Variants in PDGFC observed in about 807,000 individuals in gnomAD.
The protein encoded by PDGFC is platelet-derived growth factor C.
A neutral mutation model predicts 35.5 loss-of-function variants in PDGFC; 12 were observed. The observed-to-expected ratio is 0.34, with a 90% CI of 0.22 to 0.55. The LOEUF (loss-of-function observed/expected upper bound fraction) is 0.55, where lower values mean the gene tolerates loss of function less well. PDGFC is among the 20% of genes least tolerant of loss of function. The pLI, the probability that PDGFC is intolerant of heterozygous loss-of-function variation, is 0.91. For synonymous variants in PDGFC, 159 were observed against 148.8 expected (o/e 1.07, Z -0.50); for missense variants, 322 against 412.4 (o/e 0.78, Z 1.90).
chr4:156,940,696 A>T (rs909232620), intron 1 of PDGFC, among the ~76,000 whole-genome samples: 1 of 152,032 alleles, frequency 6.6e-6, no homozygotes, highest in Admixed American at 6.6e-5. Flanking sequence ...GTATTTTCAG[A>T]ATAATAATAA....
chr4:156,806,361 A>G (rs189469324), intron 3 of PDGFC, among the ~76,000 whole-genome samples: 2 of 152,210 alleles, frequency 1.3e-5, no homozygotes, highest in Admixed American at 6.5e-5. Flanking sequence ...TACTCATTAA[A>G]TGGAAAAAAG....
At chr4:156,766,770 C>T (rs989782004) in intron 5 of PDGFC, among the ~76,000 whole-genome samples, 1 of 152,044 alleles carries the variant, frequency 6.6e-6, no homozygotes, top group African/African-American at 2.4e-5. Context: ...ACATGATTTT[C>T]CTGCCCTTCA....
intron 2 of PDGFC, among the ~76,000 whole-genome samples, chr4:156,832,253 CTTTTTTT>C (rs542396769): frequency 3.3e-4 from 40 of 121,134 alleles, no homozygotes; most frequent in African/African-American, 9.6e-4. Context: ...TTCTTTCTTT[CTTTTTTT>C]TTTTTTTTTT....
intron 1 of PDGFC, among the ~76,000 whole-genome samples, chr4:156,892,989 AC>A (rs921300118): frequency 1.3e-5 from 2 of 152,086 alleles, no homozygotes; most frequent in Admixed American, 1.3e-4. Context: ...CTCACTATCC[AC>A]CCCTACCACA....
At chr4:156,965,974 G>C (rs1364576720) in intron 1 of PDGFC, among the ~76,000 whole-genome samples, 1 of 152,102 alleles carries the variant, frequency 6.6e-6, no homozygotes, top group Non-Finnish European at 1.5e-5. Flanking sequence ...CCAGGCATTG[G>C]AATTTCTGCT....
At chr4:156,843,837 C>T (rs1231152506) in intron 2 of PDGFC, among the ~76,000 whole-genome samples, 2 of 152,110 alleles carry the variant, frequency 1.3e-5, no homozygotes, top group Admixed American at 6.6e-5. Context: ...TCAGTAGACT[C>T]CAGGAGATTC....
chr4:156,961,711 G>A (rs1732347686), intron 1 of PDGFC, among the ~76,000 whole-genome samples: 1 of 152,116 alleles, frequency 6.6e-6, no homozygotes, highest in Non-Finnish European at 1.5e-5. Flanking sequence ...TGTTATAACT[G>A]TTTTCTTTGC....
At chr4:156,886,849 T>C (rs1730388446) in intron 1 of PDGFC, 1 of 152,228 alleles carries the variant, frequency 6.6e-6, no homozygotes. Flanking sequence ...AAATAAAAGA[T>C]TTAACTAACC....
At chr4:156,890,602 G>T (rs529473027) in intron 1 of PDGFC, among the ~76,000 whole-genome samples, 1 of 152,206 alleles carries the variant, frequency 6.6e-6, no homozygotes, top group South Asian at 2.1e-4. Flanking sequence ...GGCTACCGGG[G>T]TTCATGCACC....
At chr4:156,962,225 G>A (rs779830173) in intron 1 of PDGFC, among the ~76,000 whole-genome samples, 4 of 151,978 alleles carry the variant, frequency 2.6e-5, no homozygotes, top group African/African-American at 9.7e-5. Flanking sequence ...CAACATTCTC[G>A]ATGCTTCTTG....
At chr4:156,918,182 TTA>T (rs1386317885) in intron 1 of PDGFC, among the ~76,000 whole-genome samples, 1 of 152,238 alleles carries the variant, frequency 6.6e-6, no homozygotes, top group South Asian at 2.1e-4. Context: ...TTGGTTGTTC[TTA>T]TATATCTCTT....
intron 1 of PDGFC, among the ~76,000 whole-genome samples, chr4:156,947,510 G>A (rs917243901): frequency 6.6e-5 from 10 of 152,112 alleles, no homozygotes; most frequent in African/African-American, 2.2e-4. Context: ...AAGAAAAACT[G>A]AAATTCAGGA....
chr4:156,820,339 T>A (rs1732214924), intron 2 of PDGFC, among the ~76,000 whole-genome samples: 1 of 152,188 alleles, frequency 6.6e-6, no homozygotes. Flanking sequence ...GAAGTAAGAA[T>A]CAATCAACAT....
chr4:156,881,467 C>T (rs533786892), intron 1 of PDGFC, among the ~76,000 whole-genome samples: 28 of 152,200 alleles, frequency 1.8e-4, no homozygotes, highest in Middle Eastern at 3.4e-3. Context: ...ATAATTCCCA[C>T]GTGTTGTGGG....
At chr4:156,788,372 G>T (rs1731187642) in intron 3 of PDGFC, among the ~76,000 whole-genome samples, 1 of 152,158 alleles carries the variant, frequency 6.6e-6, no homozygotes, top group Non-Finnish European at 1.5e-5. Context: ...TTGGCTAAGA[G>T]AGATTAAATT....
intron 1 of PDGFC, among the ~76,000 whole-genome samples, chr4:156,885,937 C>T (rs1038924743): frequency 6.6e-6 from 1 of 152,102 alleles, no homozygotes; most frequent in Non-Finnish European, 1.5e-5. Flanking sequence ...CTATTTACAA[C>T]TTCCAATATA....
intron 1 of PDGFC, among the ~76,000 whole-genome samples, chr4:156,970,016 G>T (rs1050849112): frequency 6.6e-6 from 1 of 152,202 alleles, no homozygotes; most frequent in Admixed American, 6.5e-5. Flanking sequence ...CTGGCTTTAT[G>T]AAAGGAGCCT....
At chr4:156,925,734 T>C (rs1467186875) in intron 1 of PDGFC, among the ~76,000 whole-genome samples, 1 of 136,028 alleles carries the variant, frequency 7.4e-6, no homozygotes, top group Non-Finnish European at 1.6e-5. Flanking sequence ...CTAGAGGCAG[T>C]ATTATTCTAA....
At chr4:156,830,246 C>A (rs542553297) in intron 2 of PDGFC, among the ~76,000 whole-genome samples, 12 of 148,678 alleles carry the variant, frequency 8.1e-5, no homozygotes, top group African/African-American at 2.8e-4. Flanking sequence ...ACAGGAATTG[C>A]ATTAAAAAAA....
Sources: gnomAD v4.1 joint callset for allele counts (sites outside exome capture counted in the v4.1 genomes callset) on GRCh38, gnomAD v4.1.1 for gene constraint, MANE v1.5 for transcripts, NCBI Gene and HGNC (gene_info 2026-07-23, HGNC 2026-07-21) for gene names.